REV1: variants seen among roughly 807,000 people sequenced by gnomAD.
REV1 encodes the protein translesion synthesis protein REV1.
Under a neutral mutation model 137.4 loss-of-function variants are expected in REV1, and 42 were observed. The ratio of observed to expected loss-of-function variants is 0.31; its 90% CI spans 0.24 to 0.40. The LOEUF (loss-of-function observed/expected upper bound fraction) is 0.40. Among genes scored for constraint, REV1 ranks in the 10% least tolerant of loss-of-function variants. REV1 has a pLI of 1.00. For missense variants in REV1, 1,282 were observed against 1,490.1 expected, an observed-to-expected ratio of 0.86 and a Z score of 2.30; for synonymous variants, 524 against 519.2, an observed-to-expected ratio of 1.01 and a Z score of -0.12.
At chr2:99,468,959 G>A (rs1685110502) in intron 1 of REV1, among the ~76,000 whole-genome samples, 1 of 152,158 alleles carries the variant, frequency 6.6e-6, no homozygotes, top group Admixed American at 6.5e-5. Context: ...ACAACATAAT[G>A]ATAACAGTAG....
chr2:99,449,810 T>C (rs1259446897), intron 3 of REV1, among the ~76,000 whole-genome samples: 1 of 152,190 alleles, frequency 6.6e-6, no homozygotes, highest in Non-Finnish European at 1.5e-5. Context: ...TATTTTTACA[T>C]TTTTTACTAT....
chr2:99,415,474 G>A (rs992550852), intron 12 of REV1, among the ~76,000 whole-genome samples: 28 of 152,244 alleles, frequency 1.8e-4, no homozygotes, highest in Middle Eastern at 6.8e-3. Context: ...CAGACATAGA[G>A]GAGTAAACTT....
rs2104395177 is a variant in REV1 at position 99,406,479 on chromosome 2, G to A, written c.2460C>T (p.His820=). The part of the protein sequence containing the change: ...NISDMRGVGI[H]VNQLVPTNLN... ...GATTAGTTGGAACCAACTGATTCACGTGAATCCCAACCTAGAACCCAGAAT... is the reference window on the plus strand; with the variant it reads ...GATTAGTTGGAACCAACTGATTCACATGAATCCCAACCTAGAACCCAGAAT... Residue 820 remains histidine, a synonymous_variant, in exon 16 of 23, where the codon CAC becomes CAT. Transcript: ENST00000258428. 6 of 1,603,356 alleles carry A rather than the reference G, an allele frequency of 3.7e-6. No homozygotes were observed. The highest frequency in any genetic ancestry group is 5.1e-6 in the Non-Finnish European group (6 of 1,174,734).
At position 99,438,443 on chromosome 2, in the gene REV1, T is replaced by C. The variant is rs1333820076; in HGVS notation, c.1213+158A>G. The C allele has an allele frequency of 5.1e-6, 3 of 587,474 alleles. No homozygotes were observed. The Admixed American group carries it at 9.4e-5, about 18-fold the overall frequency. 36.4% of individuals were successfully genotyped at this position (587,474 alleles called of 1,614,324 possible). On this transcript the variant is annotated intron_variant, in intron 6 of 22. Coordinates refer to ENST00000258428, the MANE Select transcript of REV1 (RefSeq NM_016316.4). The stretch of plus-strand genomic sequence containing the variant: ...ATTGTTTTAAAAATATTTTAATAAA[T>C]TAGCTTTCTATGTTATGCTTACTGT...
At position 99,429,852 on chromosome 2, in the gene REV1, C is replaced by T. The variant is rs994278869; in HGVS notation, c.1535G>A (p.Ser512Asn). 6.9e-6 allele frequency: 11 copies of T among 1,595,844 alleles called. No homozygotes were observed. Among genetic ancestry groups the T allele is most frequent in the Non-Finnish European group, 9.4e-6 (11 of 1,171,954 alleles). Residue 512 changes from serine (S) to asparagine (N), a missense_variant, in exon 9 of 23, where the codon AGT becomes AAT. Physicochemically the swap from Ser to Asn is conservative, Grantham distance 46. This residue lies in a region of REV1 where 372 missense variants were observed against 482.3 expected (regional missense o/e 0.77). Transcript: ENST00000258428. ...VLSRAEIASC[S>N]YEARQLGIKN... ...AACTTCTACATACCTGGCCTCATAA[C>T]TACAAGATGCAATTTCAGCCCTTGA... is the stretch of plus-strand genomic sequence containing the variant.
At chr2:99,440,593 C>T (rs1182147912) in intron 5 of REV1, among the ~76,000 whole-genome samples, 2 of 152,036 alleles carry the variant, frequency 1.3e-5, no homozygotes, top group Non-Finnish European at 2.9e-5. Flanking sequence ...GGGAAAAAGA[C>T]AAAGTAGATA....
chr2:99,424,902 A>G (rs1207283067), intron 9 of REV1: 1 of 1,299,874 alleles, frequency 7.7e-7, no homozygotes, highest in African/African-American at 1.5e-5. Context: ...TGAGGGACCT[A>G]ATTGAAAATG....
chr2:99,420,192 T>C (rs1456762963), intron 11 of REV1, among the ~76,000 whole-genome samples: 1 of 152,236 alleles, frequency 6.6e-6, no homozygotes, highest in South Asian at 2.1e-4. Context: ...CCAGTAGCTG[T>C]AGGAATGCTG....
At chr2:99,469,634 T>C (rs1323079809) in intron 1 of REV1, among the ~76,000 whole-genome samples, 2 of 152,192 alleles carry the variant, frequency 1.3e-5, no homozygotes, top group African/African-American at 4.8e-5. Flanking sequence ...TCAATAGGGA[T>C]GTTCAAAACT....
intron 21 of REV1, 21 bp downstream of exon 21, chr2:99,402,623 T>C: frequency 6.2e-7 from 1 of 1,610,364 alleles, no homozygotes; most frequent in Non-Finnish European, 8.5e-7. Context: ...CCTTGGGCCA[T>C]CTAACACAGG....
At chr2:99,435,978 A>G in intron 6 of REV1, 37 bp from the exon 7 acceptor site, 1 of 1,138,740 alleles carries the variant, frequency 8.8e-7, no homozygotes, top group South Asian at 1.3e-5. Flanking sequence ...CCCCAAGCTA[A>G]TTTTTACTAT....
intron 1 of REV1, among the ~76,000 whole-genome samples, chr2:99,486,030 C>T (rs909717424): frequency 6.6e-6 from 1 of 152,142 alleles, no homozygotes; most frequent in African/African-American, 2.4e-5. Context: ...GCGCCTGAGG[C>T]GGGAGGCTGG....
chr2:99,439,766 A>G (rs2104831323), intron 5 of REV1, among the ~76,000 whole-genome samples: 1 of 152,362 alleles, frequency 6.6e-6, no homozygotes, highest in South Asian at 2.1e-4. Context: ...TGGTCAATAA[A>G]TATCTGCTGA....
chr2:99,462,649 T>C (rs774893695), intron 2 of REV1, 27 bp from the exon 3 acceptor site: 24 of 1,574,330 alleles, frequency 1.5e-5, no homozygotes, highest in Non-Finnish European at 2.1e-5. Context: ...GGTAAACCAA[T>C]CACAAAGGTT....
intron 13 of REV1, among the ~76,000 whole-genome samples, chr2:99,412,049 C>T (rs182164092): frequency 6.0e-5 from 9 of 150,672 alleles, no homozygotes; most frequent in South Asian, 2.1e-4. Flanking sequence ...CTGGCCAACA[C>T]GGTGAAACCA....
chr2:99,459,052 CA>C, intron 3 of REV1, among the ~76,000 whole-genome samples: 1 of 151,948 alleles, frequency 6.6e-6, no homozygotes, highest in East Asian at 1.9e-4. Flanking sequence ...ACTAAAAATA[CA>C]AAAAATTAGC....
chr2:99,444,463 A>G (rs762870514), intron 4 of REV1, among the ~76,000 whole-genome samples: 3 of 152,238 alleles, frequency 2.0e-5, no homozygotes, highest in Non-Finnish European at 4.4e-5. Flanking sequence ...AGCACTGATC[A>G]TATACAAGGG....
chr2:99,465,482 T>C (rs1684690712), intron 1 of REV1, among the ~76,000 whole-genome samples: 1 of 152,202 alleles, frequency 6.6e-6, no homozygotes, highest in African/African-American at 2.4e-5. Flanking sequence ...CAATTAAAAA[T>C]GATGCAGAAA....
At chr2:99,412,388 A>T (rs905108219) in intron 13 of REV1, among the ~76,000 whole-genome samples, 1 of 152,116 alleles carries the variant, frequency 6.6e-6, no homozygotes, top group African/African-American at 2.4e-5. Context: ...CTTAATTTTA[A>T]CTACAGCTTA....
Sources: gnomAD v4.1 joint callset for allele counts (sites outside exome capture counted in the v4.1 genomes callset) on GRCh38, gnomAD v4.1.1 for gene constraint, gnomAD v4.1.1 regional missense constraint, MANE v1.5 for transcripts, NCBI Gene and HGNC (gene_info 2026-07-23, HGNC 2026-07-21) for gene names.